Variants in SDK1 observed in about 807,000 individuals in gnomAD.
The protein encoded by SDK1 is protein sidekick-1.
Under a neutral mutation model 245.5 loss-of-function variants are expected in SDK1, and 157 were observed. That is an observed-to-expected ratio of 0.64 (90% CI 0.56 to 0.73). The LOEUF is 0.73. Ranked by LOEUF, SDK1 falls within the 30% of genes least tolerant of loss-of-function variation. The pLI, the probability that SDK1 is intolerant of heterozygous loss-of-function variation, is 0.00. For synonymous variants in SDK1, 1,647 were observed against 1,278.5 expected, an observed-to-expected ratio of 1.29 and a Z score of -6.15; for missense variants, 3,583 against 3,002.3, an observed-to-expected ratio of 1.19 and a Z score of -4.52.
intron 5 of SDK1, among the ~76,000 whole-genome samples, chr7:3,853,729 G>A (rs1275765868): frequency 6.6e-6 from 1 of 152,052 alleles, no homozygotes; most frequent in African/African-American, 2.4e-5. Flanking sequence ...AGTGGCTCAG[G>A]TCTGTAATCC....
chr7:4,079,375 G>A (rs1341542560), intron 21 of SDK1, 88 bp from the exon 22 acceptor site: 19 of 1,495,330 alleles, frequency 1.3e-5, no homozygotes, highest in Non-Finnish European at 1.7e-5. Flanking sequence ...TTTTGAAACT[G>A]TTTACTTTTG....
At chr7:3,785,393 C>G (rs115672640) in intron 4 of SDK1, among the ~76,000 whole-genome samples, 2 of 151,976 alleles carry the variant, frequency 1.3e-5, no homozygotes, top group East Asian at 1.9e-4. Flanking sequence ...GATATGTTAA[C>G]GAGATTGATT....
intron 1 of SDK1, among the ~76,000 whole-genome samples, chr7:3,405,814 C>A (rs1026402327): frequency 1.4e-4 from 18 of 125,392 alleles, no homozygotes; most frequent in African/African-American, 4.6e-4. Context: ...TTCTTTCTTT[C>A]TTTTTTTTTT....
intron 13 of SDK1, among the ~76,000 whole-genome samples, chr7:3,982,046 G>T (rs1260691676): frequency 6.6e-6 from 1 of 152,218 alleles, no homozygotes; most frequent in African/African-American, 2.4e-5. Flanking sequence ...CAAAGGGCAG[G>T]CTGACTCTCT....
chr7:3,665,951 A>C (rs1783517925), intron 4 of SDK1, among the ~76,000 whole-genome samples: 4 of 150,966 alleles, frequency 2.6e-5, no homozygotes, highest in Admixed American at 2.6e-4. Context: ...ATCTTCCCAC[A>C]ATTTCTCGGT....
chr7:3,552,494 C>G (rs1479797985), intron 1 of SDK1, among the ~76,000 whole-genome samples: 1 of 152,186 alleles, frequency 6.6e-6, no homozygotes, highest in Non-Finnish European at 1.5e-5. Flanking sequence ...CTGACATACT[C>G]TGAAAGCAAG....
chr7:3,967,354 CCA>C lies in SDK1; in HGVS notation c.1469_1470del (p.Thr490SerfsTer3). ...GTGTTCACCCAGCGGCCAGTGGACA[CCA>C]CAGTTACTGACGGGATGACAGCCAT... On this transcript the variant is annotated frameshift_variant, in exon 10 of 45. Transcript: ENST00000404826. LOFTEE classifies it high-confidence loss of function. 6.2e-7 allele frequency: 1 copy of C among 1,614,144 alleles called. No homozygotes were observed. Among genetic ancestry groups the C allele is most frequent in the Non-Finnish European group, 8.5e-7 (1 of 1,180,002 alleles).
intron 1 of SDK1, among the ~76,000 whole-genome samples, chr7:3,483,754 T>A (rs980427126): frequency 6.6e-6 from 1 of 152,322 alleles, no homozygotes; most frequent in East Asian, 1.9e-4. Flanking sequence ...TTAGATGATA[T>A]TTATTTCAGT....
intron 1 of SDK1, among the ~76,000 whole-genome samples, chr7:3,345,093 A>G (rs982320497): frequency 7.9e-5 from 12 of 152,176 alleles, no homozygotes; most frequent in African/African-American, 2.4e-4. Context: ...TTGTTGTAGA[A>G]CTTCGGGTCT....
intron 1 of SDK1, among the ~76,000 whole-genome samples, chr7:3,314,618 T>A (rs1320320912): frequency 6.6e-6 from 1 of 152,240 alleles, no homozygotes; most frequent in African/African-American, 2.4e-5. Flanking sequence ...AAATTACTTA[T>A]ATCTGTATCA....
intron 28 of SDK1, among the ~76,000 whole-genome samples, chr7:4,140,995 A>G (rs946936878): frequency 4.6e-5 from 7 of 152,206 alleles, no homozygotes; most frequent in Non-Finnish European, 1.0e-4. Flanking sequence ...AGTCAGGCAG[A>G]GATTAGAATT....
chr7:3,952,458 C>G (rs1780911494), intron 7 of SDK1, among the ~76,000 whole-genome samples: 1 of 152,028 alleles, frequency 6.6e-6, no homozygotes, highest in African/African-American at 2.4e-5. Context: ...TGGCGGGCGC[C>G]TATGATCCCA....
At chr7:3,743,528 C>G (rs942248486) in intron 4 of SDK1, among the ~76,000 whole-genome samples, 5 of 152,146 alleles carry the variant, frequency 3.3e-5, no homozygotes, top group East Asian at 1.9e-4. Flanking sequence ...ACAAAATGCA[C>G]TTATACCCTC....
intron 1 of SDK1, among the ~76,000 whole-genome samples, chr7:3,569,895 G>T (rs1019583319): frequency 6.6e-6 from 1 of 152,170 alleles, no homozygotes; most frequent in African/African-American, 2.4e-5. Flanking sequence ...TGTCCACTTG[G>T]TGCAGCTTGT....
intron 4 of SDK1, among the ~76,000 whole-genome samples, chr7:3,649,741 G>T (rs1342572204): frequency 6.6e-6 from 1 of 152,152 alleles, no homozygotes; most frequent in Non-Finnish European, 1.5e-5. Context: ...CAGTTGGCCG[G>T]CGTGGGAGCC....
chr7:3,987,433 C>T (rs1197027491), intron 14 of SDK1, 111 bp downstream of exon 14: 2 of 1,129,386 alleles, frequency 1.8e-6, no homozygotes, highest in East Asian at 2.4e-5. Context: ...TACTAAAATG[C>T]TGTAATGCTT....
intron 1 of SDK1, among the ~76,000 whole-genome samples, chr7:3,538,027 C>T (rs559258689): frequency 1.3e-5 from 2 of 152,160 alleles, no homozygotes; most frequent in Non-Finnish European, 2.9e-5. Flanking sequence ...TTTTTTCCTG[C>T]CTTTCGTGGA....
intron 1 of SDK1, among the ~76,000 whole-genome samples, chr7:3,597,825 G>C (rs1292231026): frequency 2.0e-5 from 3 of 152,114 alleles, no homozygotes; most frequent in Admixed American, 2.0e-4. Flanking sequence ...GAGTTTACCA[G>C]TTTGTTTCTT....
intron 1 of SDK1, among the ~76,000 whole-genome samples, chr7:3,388,730 A>G (rs1237426516): frequency 2.6e-5 from 4 of 152,212 alleles, no homozygotes; most frequent in African/African-American, 4.8e-5. Context: ...TTTATAAAGT[A>G]TGATATATGT....
Sources: allele counts gnomAD v4.1 joint callset (sites outside exome capture counted in the v4.1 genomes callset), GRCh38; gene constraint gnomAD v4.1.1; transcripts MANE v1.5; gene names NCBI Gene and HGNC (gene_info 2026-07-23, HGNC 2026-07-21).